The following ADAM28 variants were observed in gnomAD, a reference collection of about 807,000 sequenced individuals.
ADAM28 encodes the protein ADAM metallopeptidase domain 28.
ADAM28 carries 105 observed loss-of-function variants against 101.2 expected under a neutral mutation model. The observed-to-expected ratio is 1.04, with a 90% CI of 0.89 to 1.22. The LOEUF (loss-of-function observed/expected upper bound fraction) is 1.22, where lower values mean the gene tolerates loss of function less well. Among genes scored for constraint, ADAM28 ranks in the 50% most tolerant of loss-of-function variants. The pLI is 0.00. For missense variants in ADAM28, 1,028 were observed against 945.4 expected, an observed-to-expected ratio of 1.09 and a Z score of -1.15; for synonymous variants, 322 against 310.6, an observed-to-expected ratio of 1.04 and a Z score of -0.39.
At chr8:24,352,380 G>A (rs1017017917) in intron 21 of ADAM28, among the ~76,000 whole-genome samples, 1 of 152,160 alleles carries the variant, frequency 6.6e-6, no homozygotes, top group African/African-American at 2.4e-5. Context: ...TCTGGAGACT[G>A]GGAAGTCCAA....
chr8:24,343,855 T>C (rs1256323684), intron 18 of ADAM28, among the ~76,000 whole-genome samples: 5 of 152,252 alleles, frequency 3.3e-5, no homozygotes, highest in African/African-American at 4.8e-5. Flanking sequence ...ACTTTAGGAC[T>C]CTTCCATTTT....
intron 15 of ADAM28, chr8:24,340,848 C>T (rs937698475): frequency 1.3e-5 from 2 of 152,216 alleles, no homozygotes; most frequent in Admixed American, 6.5e-5. Context: ...TTTCACAGCC[C>T]TCTTCCGAAT....
intron 18 of ADAM28, among the ~76,000 whole-genome samples, chr8:24,348,993 T>C (rs1815744663): frequency 6.6e-6 from 1 of 152,202 alleles, no homozygotes; most frequent in South Asian, 2.1e-4. Flanking sequence ...ATTGGAATCT[T>C]ATGGAGGGTG....
At chr8:24,341,798 T>C (rs1484641989) in intron 16 of ADAM28, 41 bp downstream of exon 16, 28 of 1,612,128 alleles carry the variant, frequency 1.7e-5, no homozygotes, top group Non-Finnish European at 2.2e-5. Flanking sequence ...TAGTGTTTTT[T>C]ACTTTGGTGT....
In ADAM28 at chr8:24,353,843, T is replaced by C. The variant is rs760776728; in HGVS notation, c.2307+11T>C. On this transcript the variant is annotated intron_variant, in intron 22 of 22. Coordinates refer to ENST00000265769, the MANE Select transcript of ADAM28 (RefSeq NM_014265.6). Reference sequence around the variant, plus strand: ...GTGTCTACACCTAAGGTAAGAGATCTATAGCCAAATTATTATATTCTTGTA... The same window carrying C: ...GTGTCTACACCTAAGGTAAGAGATCCATAGCCAAATTATTATATTCTTGTA... 1 of 1,478,172 alleles carries C rather than the reference T, an allele frequency of 6.8e-7. No individual in the cohort carries two copies. The highest frequency in any genetic ancestry group is 1.2e-5 in the South Asian group (1 of 86,874). 91.6% of individuals were successfully genotyped at this position (1,478,172 alleles called of 1,614,324 possible).
intron 10 of ADAM28, 93 bp from the exon 11 acceptor site, chr8:24,329,882 TGTGTGAGAGA>T (rs551758547): frequency 0.031 from 28,827 of 940,316 alleles, 286 homozygotes; most frequent in African/African-American, 0.1. Flanking sequence ...TGTGTGTGTG[TGTGTGAGAGA>T]GAGAGAGAGA....
Position 24,349,985 on chromosome 8 carries a change from C to T in ADAM28, c.2099+13C>T. ...AGAAAGATCAGAGGTGATCCTTTAT[C>T]TTATCTTGCTGTAGGGACTCTTTGA... is the stretch of plus-strand genomic sequence containing the variant. On this transcript the variant is annotated intron_variant, in intron 19 of 22. Coordinates refer to ENST00000265769, the MANE Select transcript of ADAM28 (RefSeq NM_014265.6). 6.2e-7 allele frequency: 1 copy of T among 1,610,816 alleles called. No individual in the cohort carries two copies. The highest frequency in any genetic ancestry group is 1.1e-5 in the South Asian group (1 of 90,918).
intron 14 of ADAM28, among the ~76,000 whole-genome samples, chr8:24,338,638 A>G (rs1814389939): frequency 6.6e-6 from 1 of 152,218 alleles, no homozygotes; most frequent in South Asian, 2.1e-4. Flanking sequence ...GTTTAAAAGT[A>G]TTTCTTAAAA....
intron 8 of ADAM28, among the ~76,000 whole-genome samples, chr8:24,323,203 G>A (rs1400087056): frequency 6.6e-6 from 1 of 151,756 alleles, no homozygotes; most frequent in African/African-American, 2.4e-5. Flanking sequence ...ATTCTCTGGG[G>A]ATCTCTTTAA....
At position 24,330,298 on chromosome 8, in the gene ADAM28, A is replaced by T. The variant is rs967142090; in HGVS notation, c.1103+183A>T. Among the ~76,000 whole-genome samples, 6 of 152,150 alleles carry T rather than the reference A, an allele frequency of 3.9e-5. 1 individual carries two copies. The highest frequency in any genetic ancestry group is 3.9e-4 in the Admixed American group (6 of 15,272). ...AATAACTAAGACATAATTTAAACATATTGTCTCTTTGCTGATGGGGCAATT... is the reference window on the plus strand; with the variant it reads ...AATAACTAAGACATAATTTAAACATTTTGTCTCTTTGCTGATGGGGCAATT... On this transcript the variant is annotated intron_variant, in intron 11 of 22. Transcript: ENST00000265769.
chr8:24,351,867 C>A, intron 20 of ADAM28, 120 bp from the exon 21 acceptor site: 3 of 839,036 alleles, frequency 3.6e-6, no homozygotes, highest in African/African-American at 1.7e-5. Context: ...TCTATCTGGT[C>A]TCTTGGTGTC....
intron 13 of ADAM28, among the ~76,000 whole-genome samples, chr8:24,333,294 A>T (rs1213044968): frequency 6.6e-6 from 1 of 152,178 alleles, no homozygotes; most frequent in Non-Finnish European, 1.5e-5. Context: ...GTATGTTAAT[A>T]ATTTGCTAAG....
Position 24,343,494 on chromosome 8 carries a change from T to G in ADAM28, c.1912-12T>G. On this transcript the variant is annotated splice_polypyrimidine_tract_variant and intron_variant, in intron 17 of 22. Coordinates refer to ENST00000265769, the MANE Select transcript of ADAM28 (RefSeq NM_014265.6). ...CCTAGCGGGGACAGTAACAGGATCA[T>G]TGCTCCCCTAGGTGTGTGACCATGA... 1 of 1,613,488 alleles carries G rather than the reference T, an allele frequency of 6.2e-7. No individual in the cohort carries two copies. The highest frequency in any genetic ancestry group is 1.1e-5 in the South Asian group (1 of 91,066).
At chr8:24,323,025 C>T (rs1247224189) in intron 8 of ADAM28, among the ~76,000 whole-genome samples, 2 of 151,922 alleles carry the variant, frequency 1.3e-5, no homozygotes, top group East Asian at 1.9e-4. Context: ...TCTGAAAATA[C>T]ATAATATGGG....
intron 21 of ADAM28, among the ~76,000 whole-genome samples, chr8:24,353,077 C>T (rs1816358906): frequency 6.6e-6 from 1 of 152,060 alleles, no homozygotes; most frequent in African/African-American, 2.4e-5. Context: ...AACTTCCTGT[C>T]TATAAATTAG....
At chr8:24,340,969 T>C (rs1433198879) in intron 15 of ADAM28, 1 of 152,228 alleles carries the variant, frequency 6.6e-6, no homozygotes, top group African/African-American at 2.4e-5. Context: ...GGGAGACAGT[T>C]CTTTTAGTAA....
At chr8:24,347,731 A>C (rs1815575038) in intron 18 of ADAM28, among the ~76,000 whole-genome samples, 2 of 152,250 alleles carry the variant, frequency 1.3e-5, no homozygotes, top group East Asian at 1.9e-4. Flanking sequence ...TGCTTCTTCC[A>C]AATTAATGAA....
chr8:24,295,252 G>T (rs1316260599), intron 1 of ADAM28, among the ~76,000 whole-genome samples: 1 of 151,954 alleles, frequency 6.6e-6, no homozygotes, highest in Non-Finnish European at 1.5e-5. Flanking sequence ...TATATAATAT[G>T]TACCTATATC....
intron 2 of ADAM28, among the ~76,000 whole-genome samples, chr8:24,306,388 A>AT (rs1197281594): frequency 9.7e-5 from 12 of 123,970 alleles, no homozygotes; most frequent in African/African-American, 1.9e-4. Context: ...ATATATATTT[A>AT]AAAATATATA....
Sources: gnomAD v4.1 joint callset for allele counts (sites outside exome capture counted in the v4.1 genomes callset) on GRCh38, gnomAD v4.1.1 for gene constraint, MANE v1.5 for transcripts, NCBI Gene and HGNC (gene_info 2026-07-23, HGNC 2026-07-21) for gene names.